Variants in CDHR3 observed in about 807,000 individuals in gnomAD.
CDHR3 encodes cadherin-related family member 3.
A neutral mutation model predicts 86.6 loss-of-function variants in CDHR3; 79 were observed. The ratio of observed to expected loss-of-function variants is 0.91; its 90% CI spans 0.76 to 1.10. The LOEUF is 1.10. Among genes scored for constraint, CDHR3 ranks in the 50% least tolerant of loss-of-function variants. The probability of loss-of-function intolerance (pLI) is 0.00; values close to 1 mark genes in which losing one functional copy is unlikely to be tolerated. For missense variants in CDHR3, 1,081 were observed against 1,077.6 expected (o/e 1.00, Z -0.04); for synonymous variants, 421 against 402.4 (o/e 1.05, Z -0.55).
intron 9 of CDHR3, among the ~76,000 whole-genome samples, chr7:106,013,984 C>T (rs1390165403): frequency 2.6e-5 from 4 of 151,554 alleles, no homozygotes; most frequent in South Asian, 2.1e-4. Context: ...TTTAAGAGAC[C>T]ATGTCTCGCT....
intron 15 of CDHR3, 31 bp from the exon 16 acceptor site, chr7:106,026,651 G>A: frequency 1.2e-6 from 2 of 1,612,862 alleles, no homozygotes; most frequent in South Asian, 2.2e-5. Context: ...ACTTTCAAGT[G>A]AATTAATAGC....
At chr7:105,981,987 G>C (rs193794) in intron 3 of CDHR3, among the ~76,000 whole-genome samples, 63,698 of 151,788 alleles carry the variant, frequency 0.42, 13,794 homozygotes, top group South Asian at 0.6. Context: ...TACCACCATG[G>C]TCCAAGCCAC....
intron 6 of CDHR3, among the ~76,000 whole-genome samples, chr7:105,996,632 C>A (rs1832283750): frequency 6.6e-6 from 1 of 152,126 alleles, no homozygotes; most frequent in Non-Finnish European, 1.5e-5. Context: ...CGGGGTGTGG[C>A]CTGCACTGTG....
At chr7:106,004,435 CAA>C (rs1351343862) in intron 7 of CDHR3, 61 bp from the exon 8 acceptor site, 2 of 1,351,038 alleles carry the variant, frequency 1.5e-6, no homozygotes, top group Non-Finnish European at 1.0e-6. Flanking sequence ...CAGTTTTCTC[CAA>C]GTTTCTGTAT....
chr7:106,024,845 G>T (rs1837117894), intron 15 of CDHR3, among the ~76,000 whole-genome samples: 1 of 152,202 alleles, frequency 6.6e-6, no homozygotes, highest in South Asian at 2.1e-4. Flanking sequence ...ACCTTCTGAT[G>T]ACCTTGCCCT....
At chr7:105,979,568 C>G (rs749890965) in intron 2 of CDHR3, among the ~76,000 whole-genome samples, 1 of 152,154 alleles carries the variant, frequency 6.6e-6, no homozygotes, top group Non-Finnish European at 1.5e-5. Flanking sequence ...AGTAGCTTGA[C>G]CTAGCTTTTT....
At position 106,001,597 on chromosome 7, in the gene CDHR3, C is replaced by T. The variant is rs774322170; in HGVS notation, c.849C>T (p.Phe283=). ...LYSITTVSKY[F]MINQLTGTIQ... is the part of the protein sequence containing the mutation. ...GCATTACCACTGTTAGCAAATATTT[C>T]ATGATAAATCAGTGTAAGCCACTCA... is the stretch of plus-strand genomic sequence containing the variant. The change falls in exon 7 of 19, where the codon TTC becomes TTT. Residue 283 remains phenylalanine, a synonymous_variant. Coordinates refer to ENST00000317716, the MANE Select transcript of CDHR3 (RefSeq NM_152750.5). 4.3e-6 allele frequency: 7 copies of T among 1,613,872 alleles called. No homozygotes were observed.
chr7:106,031,573 C>CGCTGCT (rs942533751), intron 18 of CDHR3, among the ~76,000 whole-genome samples: 1 of 152,178 alleles, frequency 6.6e-6, no homozygotes, highest in African/African-American at 2.4e-5. Context: ...CTGCCGCCGC[C>CGCTGCT]GCTGCTGCTG....
Position 105,968,314 on chromosome 7 carries a change from A to G in CDHR3, c.46+4950A>G, listed in dbSNP as rs183332665. On this transcript the variant is annotated intron_variant, in intron 1 of 18. Transcript: ENST00000317716. ...TTGAAACAACATTTGACAATGCTTTATAGTTTACTGAGCATATGCATTTTC... is the reference window on the plus strand; with the variant it reads ...TTGAAACAACATTTGACAATGCTTTGTAGTTTACTGAGCATATGCATTTTC... 4.6e-5 allele frequency among the ~76,000 whole-genome samples: 7 copies of G among 152,328 alleles called. No individual in the cohort carries two copies. In the East Asian group the frequency reaches 1.2e-3, roughly 25 times the overall value.
In CDHR3 at chr7:105,994,766, C is replaced by T. The variant is rs769047758; in HGVS notation, c.529C>T (p.Pro177Ser). The T allele has an allele frequency of 1.2e-6, 2 of 1,611,402 alleles. No homozygotes were observed. The highest frequency in any genetic ancestry group is 3.3e-5 in the Admixed American group (2 of 59,796). The change falls in exon 5 of 19, where the codon CCC becomes TCC. Residue 177 changes from proline to serine, a missense_variant. Coordinates refer to ENST00000317716, the MANE Select transcript of CDHR3 (RefSeq NM_152750.5). ...TGTTTTTTAGTATTTCCTGATTTCT[C>T]CCCCAAAGAGCTTCAGAATGTCTGC... ...NIPLSYFLIS[P>S]PKSFRMSANG...
At chr7:106,028,625 G>T in intron 17 of CDHR3, 43 bp downstream of exon 17, 1 of 1,610,758 alleles carries the variant, frequency 6.2e-7, no homozygotes, top group Non-Finnish European at 8.5e-7. Flanking sequence ...GACGCTGGGG[G>T]ATAGGGGCTC....
At chr7:105,974,263 C>G (rs2115636932) in intron 1 of CDHR3, among the ~76,000 whole-genome samples, 1 of 152,322 alleles carries the variant, frequency 6.6e-6, no homozygotes, top group South Asian at 2.1e-4. Context: ...ATCTACCAAC[C>G]AAGAGGTACT....
At chr7:105,995,957 G>T (rs1192981485) in intron 5 of CDHR3, among the ~76,000 whole-genome samples, 1 of 152,130 alleles carries the variant, frequency 6.6e-6, no homozygotes, top group African/African-American at 2.4e-5. Flanking sequence ...ACTTTCCAGA[G>T]ATCTTGTGAA....
chr7:105,991,319 G>C (rs141461061), intron 4 of CDHR3, among the ~76,000 whole-genome samples: 85 of 151,944 alleles, frequency 5.6e-4, no homozygotes, highest in African/African-American at 1.9e-3. Context: ...TCCTCTCTAA[G>C]TACAAAACTG....
intron 4 of CDHR3, among the ~76,000 whole-genome samples, chr7:105,993,720 T>C (rs1831748569): frequency 6.8e-6 from 1 of 146,824 alleles, no homozygotes; most frequent in Non-Finnish European, 1.5e-5. Flanking sequence ...AAGAAGAACT[T>C]GGACCTTGAA....
rs529082877 is a variant in CDHR3, at chr7:105,965,420, G to A, written c.46+2056G>A. On this transcript the variant is annotated intron_variant, in intron 1 of 18. Transcript: ENST00000317716. ...ACCCAGGAGGCGGAGGTTGCAGTGA[G>A]CTGAGATTGCGCCATTGCACTCCAG... 7.9e-5 allele frequency among the ~76,000 whole-genome samples: 12 copies of A among 152,342 alleles called. No homozygotes were observed. The South Asian group carries it at 2.3e-3, about 29-fold the overall frequency.
At chr7:106,013,701 C>T (rs1471350380) in intron 9 of CDHR3, among the ~76,000 whole-genome samples, 1 of 152,174 alleles carries the variant, frequency 6.6e-6, no homozygotes, top group Admixed American at 6.5e-5. Flanking sequence ...CAGCTTTCTT[C>T]TCCACCTCCC....
intron 6 of CDHR3, 21 bp downstream of exon 6, chr7:105,996,375 G>A: frequency 6.8e-7 from 1 of 1,467,766 alleles, no homozygotes; most frequent in Non-Finnish European, 9.5e-7. Flanking sequence ...GGGCATGCAG[G>A]ACTCCCTGGG....
intron 8 of CDHR3, among the ~76,000 whole-genome samples, chr7:106,012,362 A>G (rs1834941908): frequency 6.6e-6 from 1 of 152,062 alleles, no homozygotes; most frequent in South Asian, 2.1e-4. Context: ...ATTTGATTAG[A>G]TAGATGAAAG....
Sources: allele counts gnomAD v4.1 joint callset (sites outside exome capture counted in the v4.1 genomes callset), GRCh38; gene constraint gnomAD v4.1.1; transcripts MANE v1.5; gene names NCBI Gene and HGNC (gene_info 2026-07-23, HGNC 2026-07-21).